SLC19A1: variants seen among roughly 807,000 people sequenced by gnomAD.
SLC19A1 encodes reduced folate transporter.
In SLC19A1, 37 loss-of-function variants were observed where a neutral mutation model predicts 35.3. The ratio of observed to expected loss-of-function variants is 1.05; its 90% confidence interval spans 0.81 to 1.38. The LOEUF (loss-of-function observed/expected upper bound fraction) is 1.38, where lower values mean the gene tolerates loss of function less well. Ranked by LOEUF, SLC19A1 falls within the 40% of genes most tolerant of loss-of-function variation. SLC19A1 has a pLI of 0.00. For missense variants in SLC19A1, 831 were observed against 826.9 expected (o/e 1.00, Z -0.06); for synonymous variants, 460 against 398.5 (o/e 1.15, Z -1.84).
chr21:45,514,971 G>A lies in SLC19A1; in HGVS notation c.*687C>T, dbSNP rs562108019. ...CAAGTGTGGGAGCAGCTGAGGACCC[G>A]CAGGTCAGGATGGACACACTTCAGA... On this transcript the variant is annotated 3_prime_UTR_variant, in exon 6 of 6. Transcript: ENST00000311124. 2.0e-5 allele frequency: 30 copies of A among 1,486,970 alleles called. No homozygotes were observed. The highest frequency in any genetic ancestry group is 4.4e-5 in the African/African-American group (3 of 68,848). The allele number at this position is 1,486,970 out of a possible 1,614,324, so 92.1% of individuals were successfully genotyped here.
At position 45,505,379 on chromosome 21, in the gene SLC19A1, C is replaced by CGG. The variant is rs1285121531; in HGVS notation, c.498-6769_498-6768dup. 2 of 1,594,338 alleles carry CGG rather than the reference C, an allele frequency of 1.3e-6. No homozygotes were observed. Among genetic ancestry groups the CGG allele is most frequent in the African/African-American group, 2.7e-5 (2 of 74,590 alleles). Reference sequence around the variant, plus strand: ...GCAGCTATCAGCGTTCCCGGCCCTCCGGGCCCCCCTGGGCCCCCTGGGCCC... The same window carrying CGG: ...GCAGCTATCAGCGTTCCCGGCCCTCCGGGGGCCCCCCTGGGCCCCCTGGGCCC... On this transcript the variant is annotated intron_variant, in intron 3 of 4. Transcript: ENST00000417954.
intron 3 of SLC19A1, chr21:45,502,941 G>C (rs960563154): frequency 6.6e-6 from 1 of 152,140 alleles, no homozygotes; most frequent in Admixed American, 6.5e-5. Flanking sequence ...CCAGATGGAA[G>C]GGCAGTCTAG....
At chr21:45,524,924 T>C (rs1202549505) in intron 5 of SLC19A1, among the ~76,000 whole-genome samples, 1 of 152,238 alleles carries the variant, frequency 6.6e-6, no homozygotes, top group Non-Finnish European at 1.5e-5. Context: ...GGGGGTGTTG[T>C]ACCCAGAGGG....
chr21:45,521,132 C>T (rs1299889816), intron 5 of SLC19A1, among the ~76,000 whole-genome samples: 1 of 152,082 alleles, frequency 6.6e-6, no homozygotes, highest in African/African-American at 2.4e-5. Flanking sequence ...AGAAGAGAGG[C>T]ATCAGGAGAA....
chr21:45,512,362 C>G (rs1171902353), downstream of SLC19A1: 2 of 1,612,670 alleles, frequency 1.2e-6, no homozygotes, highest in Admixed American at 3.3e-5. Context: ...ACATCGTGCT[C>G]TGCATTGAGA....
downstream of SLC19A1, chr21:45,509,952 C>T (rs917816793): frequency 4.5e-5 from 56 of 1,255,734 alleles, no homozygotes; most frequent in South Asian, 5.7e-5. Context: ...TCCCGCTCAG[C>T]GCCCCTCGGC....
At position 45,530,332 on chromosome 21, in the gene SLC19A1, T is replaced by C. The variant is rs1264832311; in HGVS notation, c.1151+438A>G. On this transcript the variant is annotated intron_variant, in intron 4 of 5. Coordinates refer to ENST00000311124, the MANE Select transcript of SLC19A1 (RefSeq NM_194255.4). This position sits in a 1 kb window ranked among gnomAD's most constrained non-coding sequence, Gnocchi z 5.3. ...TGTGTTCATGAGTGTGTGGTGAGTG[T>C]CCATCTGTGCGCATGTGGTGTGTTC... Among the ~76,000 whole-genome samples the C allele has an allele frequency of 7.2e-6, 1 of 138,888 alleles. No individual in the cohort carries two copies. The highest frequency in any genetic ancestry group is 2.7e-5 in the African/African-American group (1 of 37,038). The allele number at this position is 138,888 out of a possible 152,430, so 91.1% of individuals were successfully genotyped here.
chr21:45,531,430 C>G lies in SLC19A1; in HGVS notation c.908G>C (p.Arg303Pro), dbSNP rs145725041. The G allele has an allele frequency of 6.2e-7, 1 of 1,608,648 alleles. No individual in the cohort carries two copies. Among genetic ancestry groups the G allele is most frequent in the South Asian group, 1.1e-5 (1 of 90,414 alleles). ...AGCATCTGCCGCGCCGTTGTAGACC[C>G]GCGCACTGTTGGTGGTGGGGTCCAC... is the stretch of plus-strand genomic sequence containing the variant. ...NEVDPTTNSA[R>P]VYNGAADAAS... The change falls in exon 3 of 6, where the codon CGG (arginine) becomes CCG (proline). Residue 303 changes from arginine (R) to proline (P), a missense_variant. Arg to Pro is a moderately radical substitution (Grantham distance 103). Transcript: ENST00000311124.
At chr21:45,512,056 T>C, downstream of SLC19A1, 1 of 957,914 alleles carries the variant, frequency 1.0e-6, no homozygotes. Flanking sequence ...GCCCTCCAGG[T>C]TGTGGGAGCC....
chr21:45,551,186 G>A (rs1364990246), intron 1 of SLC19A1, among the ~76,000 whole-genome samples: 1 of 151,802 alleles, frequency 6.6e-6, no homozygotes, highest in Non-Finnish European at 1.5e-5. Context: ...CCCGGGAGGT[G>A]GAGGTTGCAG....
downstream of SLC19A1, chr21:45,507,586 G>A (rs199583095): frequency 7.4e-5 from 119 of 1,613,058 alleles, no homozygotes; most frequent in Admixed American, 3.5e-4. Context: ...CCACTCCCAC[G>A]AGGGACGGTA....
intron 3 of SLC19A1, chr21:45,507,183 G>A (rs1219790896): frequency 1.4e-4 from 37 of 257,394 alleles, no homozygotes; most frequent in African/African-American, 1.1e-3. Flanking sequence ...GGAGAGGCGG[G>A]TGCTGGGCAG....
At chr21:45,523,097 C>G (rs1331034232) in intron 5 of SLC19A1, among the ~76,000 whole-genome samples, 1 of 152,100 alleles carries the variant, frequency 6.6e-6, no homozygotes. Flanking sequence ...CCCTGTCTGT[C>G]CCCCCATGCT....
In SLC19A1 at chr21:45,530,970, G is replaced by A; in HGVS notation, c.951C>T (p.Gly317=). 6.9e-7 allele frequency: 1 copy of A among 1,440,368 alleles called. No individual in the cohort carries two copies. Among genetic ancestry groups the A allele is most frequent in the African/African-American group, 1.5e-5 (1 of 65,822 alleles). The allele number at this position is 1,440,368 out of a possible 1,614,324, so 89.2% of individuals were successfully genotyped here. The change falls in exon 4 of 6, where the codon GGC becomes GGT. Residue 317 remains glycine, a splice_region_variant and synonymous_variant. Transcript: ENST00000311124. The surrounding 1 kb of genome is among the most constrained non-coding windows in gnomAD (Gnocchi z 5.3). ...GAADAASTLL[G]AITSFAAGFV... is the part of the protein sequence containing the mutation. ...AGCCCGCGGCGAAGGACGTGATGGC[G>A]CCTGAGAGGGGAGGGATGGGGCGTT...
chr21:45,507,384 T>G (rs1283104500), intron 3 of SLC19A1: 1 of 613,452 alleles, frequency 1.6e-6, no homozygotes, highest in African/African-American at 2.1e-5. Flanking sequence ...GGCCGGGTGC[T>G]GGGCAGGGAG....
At chr21:45,543,611 G>C (rs569555809), upstream of SLC19A1, among the ~76,000 whole-genome samples, 2 of 152,228 alleles carry the variant, frequency 1.3e-5, no homozygotes, top group African/African-American at 4.8e-5. Context: ...GCCCTAAATG[G>C]CCGCCTGCCC....
chr21:45,508,483 ATGGGTGGG>A (rs898984734), downstream of SLC19A1, among the ~76,000 whole-genome samples: 1 of 147,458 alleles, frequency 6.8e-6, no homozygotes, highest in Admixed American at 6.7e-5. Context: ...GGGTGAGTGG[ATGGGTGGG>A]TGGATGGATG....
intron 3 of SLC19A1, chr21:45,506,291 G>A (rs931261467): frequency 3.2e-5 from 12 of 380,442 alleles, no homozygotes; most frequent in South Asian, 8.6e-5. Flanking sequence ...CTGACGGGAC[G>A]AGGCGGCAGG....
rs1237375696 is a variant in SLC19A1, at chr21:45,534,426, G to C, written c.190-2278C>G. 18 of 865,028 alleles carry C rather than the reference G, an allele frequency of 2.1e-5. No homozygotes were observed. The highest frequency in any genetic ancestry group is 3.1e-5 in the Non-Finnish European group (17 of 556,758). 53.6% of individuals were successfully genotyped at this position (865,028 alleles called of 1,614,324 possible). A position where few individuals can be genotyped will look rare whatever the true frequency, so the allele number is the denominator to read the frequency against. ...AGCCCCAGCCCCTGGCCGGGGCACAGGTTCTGCCCACAGCCCAGAGTCAAA... is the reference window on the plus strand; with the variant it reads ...AGCCCCAGCCCCTGGCCGGGGCACACGTTCTGCCCACAGCCCAGAGTCAAA... On this transcript the variant is annotated intron_variant, in intron 2 of 5. Coordinates refer to ENST00000311124, the MANE Select transcript of SLC19A1 (RefSeq NM_194255.4). The surrounding 1 kb of genome is among the most constrained non-coding windows in gnomAD (Gnocchi z 4.2).
Sources: gnomAD v4.1 joint callset for allele counts (sites outside exome capture counted in the v4.1 genomes callset) on GRCh38, gnomAD v4.1.1 for gene constraint, Gnocchi (gnomAD v3.1) non-coding constraint, MANE v1.5 for transcripts, NCBI Gene and HGNC (gene_info 2026-07-23, HGNC 2026-07-21) for gene names.